The following TMEM229B variants were observed in gnomAD, a reference collection of about 807,000 sequenced individuals.
TMEM229B encodes the protein chromosome 14 open reading frame 83.
A neutral mutation model predicts 13.7 loss-of-function variants in TMEM229B; 6 were observed. That is an observed-to-expected ratio of 0.44 (90% CI 0.24 to 0.86). The LOEUF (loss-of-function observed/expected upper bound fraction) is 0.86, where lower values mean the gene tolerates loss of function less well. Ranked by LOEUF, TMEM229B falls within the 40% of genes least tolerant of loss-of-function variation. TMEM229B has a pLI of 0.23. For synonymous variants in TMEM229B, 107 were observed against 102.1 expected, an observed-to-expected ratio of 1.05 and a Z score of -0.29; for missense variants, 170 against 236.0, an observed-to-expected ratio of 0.72 and a Z score of 1.83.
In TMEM229B at chr14:67,471,528, C is replaced by G. The variant is rs1289623303; in HGVS notation, c.*1892G>C. On this transcript the variant is annotated 3_prime_UTR_variant, in exon 3 of 3. Transcript: ENST00000554480. ...CTACTCCCACCGGAAGCCTGATTCT[C>G]TGTAACCCCCAAAGCCCTGGAATTG... 4 of 152,190 alleles carry G rather than the reference C, an allele frequency of 2.6e-5. No individual in the cohort carries two copies. The highest frequency in any genetic ancestry group is 9.7e-5 in the African/African-American group (4 of 41,430). 9.4% of individuals were successfully genotyped at this position (152,190 alleles called of 1,614,324 possible).
intron 2 of TMEM229B, among the ~76,000 whole-genome samples, chr14:67,475,833 A>G (rs1430016544): frequency 2.0e-5 from 3 of 152,050 alleles, no homozygotes; most frequent in African/African-American, 7.2e-5. Context: ...TGCACCACTT[A>G]CCTGGCCCAT....
intron 1 of TMEM229B, among the ~76,000 whole-genome samples, chr14:67,505,518 A>T (rs1240940200): frequency 6.6e-6 from 1 of 151,974 alleles, no homozygotes; most frequent in Non-Finnish European, 1.5e-5. Context: ...GTGCCCAGGG[A>T]TGTGTGATTG....
intron 1 of TMEM229B, among the ~76,000 whole-genome samples, chr14:67,521,512 G>A (rs990283609): frequency 6.6e-6 from 1 of 152,160 alleles, no homozygotes; most frequent in Non-Finnish European, 1.5e-5. Flanking sequence ...TTAAAATAAA[G>A]TGTCTTGCTA....
chr14:67,502,300 C>G (rs1350151794), intron 1 of TMEM229B, among the ~76,000 whole-genome samples: 9 of 150,970 alleles, frequency 6.0e-5, no homozygotes, highest in Non-Finnish European at 1.3e-4. Flanking sequence ...CATTGTACTC[C>G]AGCCTGGGCA....
In TMEM229B at chr14:67,484,861, T is replaced by C. The variant is rs575582374; in HGVS notation, c.-19+2139A>G. 1.2e-4 allele frequency among the ~76,000 whole-genome samples: 19 copies of C among 152,360 alleles called. No individual in the cohort carries two copies. The East Asian group carries it at 3.7e-3, about 29-fold the overall frequency. ...TATGTGTGTATTTTACAAGTCACCATAATATACTTATTCTGCAACCTGCCA... is the reference window on the plus strand; with the variant it reads ...TATGTGTGTATTTTACAAGTCACCACAATATACTTATTCTGCAACCTGCCA... On this transcript the variant is annotated intron_variant, in intron 2 of 2. Coordinates refer to ENST00000554480, the MANE Select transcript of TMEM229B (RefSeq NM_001348543.2).
At chr14:67,476,861 C>A (rs1228645317) in intron 2 of TMEM229B, among the ~76,000 whole-genome samples, 1 of 152,118 alleles carries the variant, frequency 6.6e-6, no homozygotes, top group Non-Finnish European at 1.5e-5. Context: ...CACAGTGGCT[C>A]ACGCCTGTAA....
At chr14:67,520,357 C>T (rs1429030507), upstream of TMEM229B, among the ~76,000 whole-genome samples, 3 of 152,206 alleles carry the variant, frequency 2.0e-5, no homozygotes, top group African/African-American at 4.8e-5. Flanking sequence ...TCCCCCTTAA[C>T]CCCTGGCAAC....
rs565930841 is a variant in TMEM229B at position 67,527,117 on chromosome 14, G to A, written c.-192+6519C>T. 1.5e-3 allele frequency among the ~76,000 whole-genome samples: 222 copies of A among 152,266 alleles called. 1 individual carries two copies. Among genetic ancestry groups the A allele is most frequent in the Admixed American group, 3.5e-3 (53 of 15,296 alleles). The stretch of plus-strand genomic sequence containing the variant: ...TCACTCATTGCAACCTTTCAGCCTG[G>A]AAGGTGCCCCGCAAGGGAACCCACA... On this transcript the variant is annotated intron_variant, in intron 1 of 2. Transcript: ENST00000554278.
Position 67,471,229 on chromosome 14 carries a change from G to A in TMEM229B, c.*2191C>T, listed in dbSNP as rs2030694401. The A allele has an allele frequency of 6.6e-6, 1 of 152,300 alleles. No individual in the cohort carries two copies. Among genetic ancestry groups the A allele is most frequent in the South Asian group, 2.1e-4 (1 of 4,834 alleles). 9.4% of individuals were successfully genotyped at this position (152,300 alleles called of 1,614,324 possible). On this transcript the variant is annotated 3_prime_UTR_variant, in exon 3 of 3. Transcript: ENST00000554480. ...AGGGAATGCCCACAAGGCAACTTCT[G>A]GAGCAGCAAGACCTGGTGGGCCAAT...
upstream of TMEM229B, among the ~76,000 whole-genome samples, chr14:67,489,180 G>A (rs766187416): frequency 1.4e-4 from 21 of 152,286 alleles, no homozygotes; most frequent in Middle Eastern, 0.01. Flanking sequence ...GGCAGGAAGG[G>A]CAGAAATGGT....
At chr14:67,524,637 C>T (rs765204386) in intron 1 of TMEM229B, among the ~76,000 whole-genome samples, 1 of 152,184 alleles carries the variant, frequency 6.6e-6, no homozygotes. Flanking sequence ...GCGAGATGGG[C>T]TTGAATTAGA....
At chr14:67,524,438 A>G (rs538250413) in intron 1 of TMEM229B, among the ~76,000 whole-genome samples, 1 of 152,260 alleles carries the variant, frequency 6.6e-6, no homozygotes, top group South Asian at 2.1e-4. Context: ...GTGGACAAAC[A>G]TGGGTGGCTG....
intron 1 of TMEM229B, among the ~76,000 whole-genome samples, chr14:67,514,103 G>A (rs1157919958): frequency 2.0e-5 from 3 of 152,102 alleles, no homozygotes; most frequent in Non-Finnish European, 4.4e-5. Flanking sequence ...TTGGTGAGCA[G>A]AGCCCCCAAG....
chr14:67,528,308 A>T (rs1052993773), intron 1 of TMEM229B, among the ~76,000 whole-genome samples: 1 of 152,164 alleles, frequency 6.6e-6, no homozygotes. Context: ...TACAGCGGCC[A>T]CACATGTGTC....
upstream of TMEM229B, among the ~76,000 whole-genome samples, chr14:67,520,363 G>A (rs113690262): frequency 5.3e-5 from 8 of 152,048 alleles, no homozygotes; most frequent in African/African-American, 1.9e-4. Flanking sequence ...TTAACCCCTG[G>A]CAACCACTGT....
At chr14:67,531,726 T>A (rs2033457720) in intron 1 of TMEM229B, among the ~76,000 whole-genome samples, 1 of 146,158 alleles carries the variant, frequency 6.8e-6, no homozygotes, top group South Asian at 2.2e-4. Flanking sequence ...ACCCCACCTC[T>A]ACTAAAAAAA....
upstream of TMEM229B, among the ~76,000 whole-genome samples, chr14:67,492,280 A>T (rs2032200251): frequency 6.6e-6 from 1 of 152,086 alleles, no homozygotes; most frequent in African/African-American, 2.4e-5. Flanking sequence ...GGGCTCTCTA[A>T]TTAGCTGCCT....
chr14:67,501,635 C>G (rs1240237391), intron 1 of TMEM229B, among the ~76,000 whole-genome samples: 3 of 152,114 alleles, frequency 2.0e-5, no homozygotes, highest in African/African-American at 7.2e-5. Flanking sequence ...AGGCAGGGTC[C>G]CAGGTGAGGT....
chr14:67,521,706 GC>G (rs2033293515), intron 1 of TMEM229B, among the ~76,000 whole-genome samples: 1 of 152,168 alleles, frequency 6.6e-6, no homozygotes, highest in South Asian at 2.1e-4. Flanking sequence ...CACTAAGACA[GC>G]CCTGAAAATT....
Sources: allele counts gnomAD v4.1 joint callset (sites outside exome capture counted in the v4.1 genomes callset), GRCh38; gene constraint gnomAD v4.1.1; transcripts MANE v1.5; gene names NCBI Gene and HGNC (gene_info 2026-07-23, HGNC 2026-07-21).